TG: variants seen among roughly 807,000 people sequenced by gnomAD.
TG encodes thyroglobulin.
A neutral mutation model predicts 324.7 loss-of-function variants in TG; 270 were observed. The observed-to-expected ratio is 0.83, with a 90% CI of 0.75 to 0.92. The LOEUF (loss-of-function observed/expected upper bound fraction) is 0.92, where lower values mean the gene tolerates loss of function less well. Ranked by LOEUF, TG falls within the 40% of genes least tolerant of loss-of-function variation. The probability of loss-of-function intolerance (pLI) is 0.00; values close to 1 mark genes in which losing one functional copy is unlikely to be tolerated. For missense variants in TG, 3,591 were observed against 3,456.4 expected, an observed-to-expected ratio of 1.04 and a Z score of -0.98; for synonymous variants, 1,401 against 1,327.0, an observed-to-expected ratio of 1.06 and a Z score of -1.21.
intron 41 of TG, 47 bp from the exon 42 acceptor site, chr8:133,094,997 C>T (rs2131634935): frequency 6.2e-7 from 1 of 1,611,574 alleles, no homozygotes; most frequent in Non-Finnish European, 8.5e-7. Flanking sequence ...TGAGCAGGGG[C>T]TGAAGATGAT....
intron 10 of TG, among the ~76,000 whole-genome samples, chr8:132,891,437 C>T (rs556968160): frequency 5.9e-5 from 9 of 152,238 alleles, no homozygotes; most frequent in African/African-American, 1.4e-4. Flanking sequence ...CAGGCTCAAG[C>T]GATCCTCCCA....
In TG at chr8:133,013,887, C is replaced by A. The variant is rs565517854; in HGVS notation, c.6562+123C>A. The A allele has an allele frequency of 1.2e-5, 14 of 1,202,386 alleles. No homozygotes were observed. In the Admixed American group the frequency reaches 2.0e-4, roughly 17 times the overall value. The allele number at this position is 1,202,386 out of a possible 1,614,324, so 74.5% of individuals were successfully genotyped here. On this transcript the variant is annotated intron_variant, in intron 37 of 47. Coordinates refer to ENST00000220616, the MANE Select transcript of TG (RefSeq NM_003235.5). ...TTGGCCAAAGTTCTGGGCTAGGTGG[C>A]ACTCACTTGAGGTAGACTGAAGGAA...
Position 132,913,132 on chromosome 8 carries a change from G to A in TG, c.4245G>A (p.Lys1415=). The part of the protein sequence containing the change: ...SGSFQLHLDS[K]TFPAETIRFL... ...CATTCCAGCTTCATCTGGACTCCAAGACGTTCCCAGCGGAAACCATCCGCT... is the reference window on the plus strand; with the variant it reads ...CATTCCAGCTTCATCTGGACTCCAAAACGTTCCCAGCGGAAACCATCCGCT... The change falls in exon 20 of 48, where the codon AAG becomes AAA. Residue 1415 remains lysine (K), a synonymous_variant. Transcript: ENST00000220616. 1.2e-6 allele frequency: 2 copies of A among 1,614,180 alleles called. No homozygotes were observed. Among genetic ancestry groups the A allele is most frequent in the Admixed American group, 1.7e-5 (1 of 60,024 alleles).
At chr8:133,112,178 C>T (rs1449318610) in intron 43 of TG, among the ~76,000 whole-genome samples, 5 of 152,180 alleles carry the variant, frequency 3.3e-5, no homozygotes, top group African/African-American at 9.7e-5. Flanking sequence ...CTGTGCTTAC[C>T]CAGGAGGGAT....
At chr8:133,005,092 T>C (rs926766966) in intron 35 of TG, among the ~76,000 whole-genome samples, 3 of 152,194 alleles carry the variant, frequency 2.0e-5, no homozygotes, top group Non-Finnish European at 4.4e-5. Context: ...GGGACAGTAA[T>C]GGCTTCATTT....
chr8:132,868,218 C>T lies in TG; in HGVS notation c.171C>T (p.Ser57=), dbSNP rs778494974. Residue 57 remains serine (S), a synonymous_variant, in exon 2 of 48, where the codon AGC becomes AGT. Transcript: ENST00000220616. The stretch of plus-strand genomic sequence containing the variant: ...TGCCCCAGTGTGCAGAGGATGGCAG[C>T]TTCCAGTAAGGCTTATGTCAGCAGC... ...DYVPQCAEDG[S]FQTVQCQNDG... 1.9e-6 allele frequency: 3 copies of T among 1,614,000 alleles called. No individual in the cohort carries two copies. Among genetic ancestry groups the T allele is most frequent in the Admixed American group, 1.7e-5 (1 of 60,024 alleles).
At chr8:133,113,323 G>C (rs900395591) in intron 43 of TG, 99 bp from the exon 44 acceptor site, 19 of 1,428,886 alleles carry the variant, frequency 1.3e-5, no homozygotes, top group Non-Finnish European at 1.7e-5. Flanking sequence ...ATGCCCCACT[G>C]CTTCCCAGAG....
chr8:133,013,699 G>C lies in TG; in HGVS notation c.6497G>C (p.Ser2166Thr). The change falls in exon 37 of 48, where the codon AGT (serine) becomes ACT (threonine). Residue 2166 changes from serine (S) to threonine (T), a missense_variant. By Grantham distance (58) the Ser-to-Thr change is moderately conservative. Coordinates refer to ENST00000220616, the MANE Select transcript of TG (RefSeq NM_003235.5). ...FYADTQSCTH[S>T]LQGQNCRLLL... ...GCTGATACTCAAAGCTGCACACATA[G>C]TCTGCAGGGTCAGAACTGCCGACTT... 6.2e-7 allele frequency: 1 copy of C among 1,614,060 alleles called. No homozygotes were observed. Among genetic ancestry groups the C allele is most frequent in the Non-Finnish European group, 8.5e-7 (1 of 1,180,042 alleles).
chr8:132,970,250 T>TAGTC (rs1166819908), intron 32 of TG, among the ~76,000 whole-genome samples: 2 of 152,136 alleles, frequency 1.3e-5, no homozygotes, highest in Non-Finnish European at 2.9e-5. Flanking sequence ...TTTATTTGCT[T>TAGTC]AGTCATTATT....
At chr8:133,104,181 G>A (rs1849589412) in intron 43 of TG, among the ~76,000 whole-genome samples, 1 of 152,188 alleles carries the variant, frequency 6.6e-6, no homozygotes, top group Non-Finnish European at 1.5e-5. Context: ...AGTGGCCAGT[G>A]GAGGGACTGG....
intron 41 of TG, among the ~76,000 whole-genome samples, chr8:133,062,208 CT>C (rs1270786164): frequency 6.6e-6 from 1 of 152,192 alleles, no homozygotes; most frequent in Non-Finnish European, 1.5e-5. Flanking sequence ...ATGCTTGCCC[CT>C]ACCCTCCTCA....
rs181901081 is a variant in TG, at chr8:132,910,486, G to A, written c.4003-891G>A. Among the ~76,000 whole-genome samples, 193 of 152,156 alleles carry A rather than the reference G, an allele frequency of 1.3e-3. 1 individual carries two copies. The highest frequency in any genetic ancestry group is 4.3e-3 in the African/African-American group (180 of 41,522). On this transcript the variant is annotated intron_variant, in intron 18 of 47. Coordinates refer to ENST00000220616, the MANE Select transcript of TG (RefSeq NM_003235.5). Reference sequence around the variant, plus strand: ...ATCATCTGAATGCTTGTGTCCCCCCGAAATTCATATCCAAACCATAATCCC... The same window carrying A: ...ATCATCTGAATGCTTGTGTCCCCCCAAAATTCATATCCAAACCATAATCCC...
At chr8:133,122,853 G>A (rs898872074) in intron 45 of TG, among the ~76,000 whole-genome samples, 2 of 152,164 alleles carry the variant, frequency 1.3e-5, no homozygotes, top group African/African-American at 4.8e-5. Context: ...TCTGCCCACT[G>A]AAGAAACTTT....
intron 23 of TG, among the ~76,000 whole-genome samples, chr8:132,931,253 T>G (rs1449092049): frequency 1.3e-5 from 2 of 152,364 alleles, no homozygotes; most frequent in East Asian, 3.9e-4. Context: ...CCCACCCTAA[T>G]GATCTCATTA....
At chr8:132,912,606 A>G (rs1409100716) in intron 19 of TG, among the ~76,000 whole-genome samples, 1 of 151,984 alleles carries the variant, frequency 6.6e-6, no homozygotes, top group African/African-American at 2.4e-5. Flanking sequence ...TGGCCACTTC[A>G]CACACATTCT....
chr8:133,010,134 T>G (rs1834377538), intron 35 of TG, among the ~76,000 whole-genome samples: 1 of 152,204 alleles, frequency 6.6e-6, no homozygotes, highest in South Asian at 2.1e-4. Flanking sequence ...TCAGACAGGA[T>G]AGAAGGAGCA....
chr8:133,071,655 G>C (rs1844056581), intron 41 of TG, among the ~76,000 whole-genome samples: 1 of 152,020 alleles, frequency 6.6e-6, no homozygotes. Context: ...GGGAGGAGTG[G>C]GGGGAGGAGG....
chr8:133,022,854 C>T (rs1835683604), intron 40 of TG, among the ~76,000 whole-genome samples: 6 of 152,226 alleles, frequency 3.9e-5, no homozygotes. Flanking sequence ...CCCAGGGCCA[C>T]CTCCGGCTGT....
chr8:133,127,366 C>A (rs1305441472), intron 45 of TG, among the ~76,000 whole-genome samples: 3 of 152,180 alleles, frequency 2.0e-5, no homozygotes, highest in Non-Finnish European at 4.4e-5. Context: ...CAGGCTTAGC[C>A]TCCCTGCAGG....
Sources: allele counts gnomAD v4.1 joint callset (sites outside exome capture counted in the v4.1 genomes callset), GRCh38; gene constraint gnomAD v4.1.1; transcripts MANE v1.5; gene names NCBI Gene and HGNC (gene_info 2026-07-23, HGNC 2026-07-21).